ARL15: variants seen among roughly 807,000 people sequenced by gnomAD.
The protein encoded by ARL15 is ARF like GTPase 15.
Under a neutral mutation model 25.2 loss-of-function variants are expected in ARL15, and 19 were observed. The observed-to-expected ratio is 0.75, with a 90% CI of 0.53 to 1.10. The LOEUF is 1.10. Ranked by LOEUF, ARL15 falls within the 50% of genes least tolerant of loss-of-function variation. ARL15 has a pLI of 0.00. For synonymous variants in ARL15, 94 were observed against 86.8 expected, an observed-to-expected ratio of 1.08 and a Z score of -0.46; for missense variants, 220 against 246.0, an observed-to-expected ratio of 0.89 and a Z score of 0.71.
chr5:53,933,342 T>C (rs1241673609), intron 4 of ARL15, among the ~76,000 whole-genome samples: 1 of 152,078 alleles, frequency 6.6e-6, no homozygotes, highest in Non-Finnish European at 1.5e-5. Flanking sequence ...AGGTTTTCTA[T>C]TATCAGTAAA....
chr5:54,136,223 T>TTTAAAAATTTTAAAAA (rs2112293817), intron 3 of ARL15, among the ~76,000 whole-genome samples: 1 of 152,346 alleles, frequency 6.6e-6, no homozygotes, highest in South Asian at 2.1e-4. Context: ...AAATGACTAC[T>TTTAAAAATTTTAAAAA]TAACTAATGG....
intron 1 of ARL15, among the ~76,000 whole-genome samples, chr5:54,241,422 T>A (rs1220433011): frequency 6.6e-6 from 1 of 152,184 alleles, no homozygotes; most frequent in African/African-American, 2.4e-5. Context: ...CTTTCTAAAA[T>A]GTAATATACT....
intron 4 of ARL15, among the ~76,000 whole-genome samples, chr5:54,084,718 G>A (rs73754452): frequency 0.15 from 22,753 of 152,092 alleles, 2,070 homozygotes; most frequent in African/African-American, 0.25. Context: ...AGGACAAAGT[G>A]CTAATGTTCA....
chr5:53,950,257 C>A (rs140589835), intron 4 of ARL15, among the ~76,000 whole-genome samples: 5 of 146,286 alleles, frequency 3.4e-5, no homozygotes, highest in African/African-American at 1.3e-4. Flanking sequence ...AGTAAAACCT[C>A]GTTTCTACAA....
At chr5:54,193,632 GA>G (rs1755466558) in intron 1 of ARL15, among the ~76,000 whole-genome samples, 1 of 151,980 alleles carries the variant, frequency 6.6e-6, no homozygotes, top group African/African-American at 2.4e-5. Flanking sequence ...CCAGTCGATA[GA>G]AAAACTGTCT....
chr5:54,162,808 A>G (rs1754445920), intron 2 of ARL15, among the ~76,000 whole-genome samples: 1 of 152,180 alleles, frequency 6.6e-6, no homozygotes, highest in South Asian at 2.1e-4. Context: ...AGAGTTGTCG[A>G]TTCAATTAAA....
At chr5:54,067,862 G>T (rs1224259510) in intron 4 of ARL15, among the ~76,000 whole-genome samples, 1 of 152,082 alleles carries the variant, frequency 6.6e-6, no homozygotes, top group Non-Finnish European at 1.5e-5. Context: ...TTTCTCCTAA[G>T]TTTCACTCAC....
intron 4 of ARL15, among the ~76,000 whole-genome samples, chr5:53,910,244 A>G (rs970059692): frequency 6.6e-6 from 1 of 152,164 alleles, no homozygotes; most frequent in African/African-American, 2.4e-5. Flanking sequence ...ATCTCCTGGG[A>G]GAAGTAATCT....
intron 4 of ARL15, among the ~76,000 whole-genome samples, chr5:54,106,412 C>T (rs1752591395): frequency 6.6e-6 from 1 of 152,118 alleles, no homozygotes; most frequent in Non-Finnish European, 1.5e-5. Context: ...GAGGTAGTCA[C>T]TCTTTCAAAC....
At chr5:54,241,141 T>TA (rs1251230596) in intron 1 of ARL15, among the ~76,000 whole-genome samples, 1 of 152,072 alleles carries the variant, frequency 6.6e-6, no homozygotes, top group African/African-American at 2.4e-5. Flanking sequence ...ACTATTTTAC[T>TA]AAAAATAAGC....
intron 2 of ARL15, among the ~76,000 whole-genome samples, chr5:54,167,125 C>T (rs1482998941): frequency 6.6e-6 from 1 of 152,086 alleles, no homozygotes; most frequent in Non-Finnish European, 1.5e-5. Flanking sequence ...AGTTTTCAAC[C>T]CTGTATGAAC....
intron 1 of ARL15, among the ~76,000 whole-genome samples, chr5:54,270,908 C>T (rs1427028180): frequency 6.6e-6 from 1 of 152,186 alleles, no homozygotes; most frequent in Non-Finnish European, 1.5e-5. Flanking sequence ...TCAATGTGGG[C>T]AGGCACCATC....
intron 4 of ARL15, among the ~76,000 whole-genome samples, chr5:54,009,454 A>G (rs1398205800): frequency 1.3e-5 from 2 of 152,176 alleles, no homozygotes; most frequent in Admixed American, 6.5e-5. Context: ...GTTATGAAAC[A>G]CCCCACATTC....
At chr5:54,290,528 G>C (rs185328568) in intron 1 of ARL15, among the ~76,000 whole-genome samples, 1 of 151,912 alleles carries the variant, frequency 6.6e-6, no homozygotes, top group South Asian at 2.1e-4. Flanking sequence ...GGATGGTCTC[G>C]ATCTCCTGAT....
chr5:54,122,663 G>A (rs1753120501), intron 3 of ARL15, among the ~76,000 whole-genome samples: 9 of 152,164 alleles, frequency 5.9e-5, no homozygotes, highest in Admixed American at 5.9e-4. Flanking sequence ...GGTGCCATTT[G>A]TAGGCAAGTA....
intron 4 of ARL15, among the ~76,000 whole-genome samples, chr5:53,934,516 T>C (rs1299887719): frequency 2.0e-5 from 3 of 152,164 alleles, no homozygotes; most frequent in Admixed American, 6.6e-5. Flanking sequence ...TAAATAAATG[T>C]ACATTAAACT....
chr5:54,306,380 C>G (rs984305614), intron 1 of ARL15, among the ~76,000 whole-genome samples: 1 of 146,634 alleles, frequency 6.8e-6, no homozygotes, highest in Non-Finnish European at 1.5e-5. Context: ...AACATAATCA[C>G]AATACGTTAA....
chr5:53,962,388 A>G (rs1244428841), intron 4 of ARL15, among the ~76,000 whole-genome samples: 2 of 152,164 alleles, frequency 1.3e-5, no homozygotes, highest in African/African-American at 4.8e-5. Context: ...ACCAAACAAC[A>G]TTAATTCACT....
intron 4 of ARL15, among the ~76,000 whole-genome samples, chr5:53,963,879 C>A (rs960334116): frequency 6.6e-6 from 1 of 151,488 alleles, no homozygotes; most frequent in Non-Finnish European, 1.5e-5. Flanking sequence ...ATTTTACATT[C>A]TTTGATAATT....
Sources: gnomAD v4.1 joint callset for allele counts (sites outside exome capture counted in the v4.1 genomes callset) on GRCh38, gnomAD v4.1.1 for gene constraint, MANE v1.5 for transcripts, NCBI Gene and HGNC (gene_info 2026-07-23, HGNC 2026-07-21) for gene names.